PRKD3: variants seen among roughly 807,000 people sequenced by gnomAD.
The protein encoded by PRKD3 is protein kinase D3.
PRKD3 carries 47 observed loss-of-function variants against 99.2 expected under a neutral mutation model. That is an observed-to-expected ratio of 0.47 (90% CI 0.38 to 0.60). The LOEUF (loss-of-function observed/expected upper bound fraction) is 0.60, where lower values mean the gene tolerates loss of function less well. PRKD3 is among the 20% of genes least tolerant of loss of function. PRKD3 has a pLI of 0.00. For synonymous variants in PRKD3, 392 were observed against 355.4 expected, an observed-to-expected ratio of 1.10 and a Z score of -1.16; for missense variants, 1,019 against 1,088.4, an observed-to-expected ratio of 0.94 and a Z score of 0.90.
chr2:37,252,118 C>G lies in PRKD3; in HGVS notation c.*1059G>C, dbSNP rs1188746403. On this transcript the variant is annotated 3_prime_UTR_variant, in exon 19 of 19. Coordinates refer to ENST00000234179, the MANE Select transcript of PRKD3 (RefSeq NM_005813.6). Reference sequence around the variant, plus strand: ...CATGCTCCACTCCTACACATCCCCTCAAACTGCTTAAAATAATTGACTTTA... The same window carrying G: ...CATGCTCCACTCCTACACATCCCCTGAAACTGCTTAAAATAATTGACTTTA... 6.6e-6 allele frequency: 1 copy of G among 152,186 alleles called. No individual in the cohort carries two copies. Among genetic ancestry groups the G allele is most frequent in the Non-Finnish European group, 1.5e-5 (1 of 68,054 alleles). 9.4% of individuals were successfully genotyped at this position (152,186 alleles called of 1,614,324 possible).
In PRKD3 at chr2:37,286,351, G is replaced by C; in HGVS notation, c.736C>G (p.Pro246Ala). The change falls in exon 6 of 19, where the codon CCA becomes GCA. Residue 246 changes from proline (P) to alanine (A), a missense_variant. By Grantham distance (27) the Pro-to-Ala change is conservative. Coordinates refer to ENST00000234179, the MANE Select transcript of PRKD3 (RefSeq NM_005813.6). Reference protein sequence around the residue: ...PSEESHVHQEPSKRIPSWSGR... With the variant: ...PSEESHVHQEASKRIPSWSGR... ...CTCCAAGAAGGAATTCTCTTACTTG[G>C]TTCCTGGTGGACATGTGACTATAAC... is the stretch of plus-strand genomic sequence containing the variant. 1 of 1,613,834 alleles carries C rather than the reference G, an allele frequency of 6.2e-7. No homozygotes were observed. Among genetic ancestry groups the C allele is most frequent in the Non-Finnish European group, 8.5e-7 (1 of 1,179,808 alleles).
chr2:37,275,186 A>G (rs988869295), intron 10 of PRKD3, among the ~76,000 whole-genome samples: 1 of 138,994 alleles, frequency 7.2e-6, no homozygotes, highest in Non-Finnish European at 1.6e-5. Context: ...TCCACTTCCT[A>G]AGGCAAAAAA....
intron 11 of PRKD3, 40 bp downstream of exon 11, chr2:37,274,381 T>A (rs1266077191): frequency 2.5e-6 from 4 of 1,605,810 alleles, no homozygotes; most frequent in Admixed American, 3.4e-5. Flanking sequence ...TGCTTAAGAA[T>A]TAAAGAGGAG....
intron 2 of PRKD3, 97 bp downstream of exon 2, chr2:37,316,140 G>T: frequency 8.0e-7 from 1 of 1,246,492 alleles, no homozygotes; most frequent in Non-Finnish European, 1.1e-6. Flanking sequence ...ATAAACTACT[G>T]ATGGATCAGT....
chr2:37,288,268 C>G (rs1366083861), intron 5 of PRKD3, among the ~76,000 whole-genome samples: 2 of 152,174 alleles, frequency 1.3e-5, no homozygotes, highest in African/African-American at 2.4e-5. Context: ...CTTTTTCCTA[C>G]TAATCTTTTC....
rs543233299 is a variant in PRKD3, at chr2:37,306,892, A to G, written c.288+9345T>C. Among the ~76,000 whole-genome samples, 3 of 152,364 alleles carry G rather than the reference A, an allele frequency of 2.0e-5. No individual in the cohort carries two copies. The South Asian group carries it at 6.2e-4, about 32-fold the overall frequency. On this transcript the variant is annotated intron_variant, in intron 2 of 18. Transcript: ENST00000234179. ...TGCAATTCATATTTGTAAGATTTTAATCTAGGAGACAGTCATATTCCCTAT... is the reference window on the plus strand; with the variant it reads ...TGCAATTCATATTTGTAAGATTTTAGTCTAGGAGACAGTCATATTCCCTAT...
chr2:37,309,802 C>A (rs981552501), intron 2 of PRKD3, among the ~76,000 whole-genome samples: 1 of 143,784 alleles, frequency 7.0e-6, no homozygotes, highest in Non-Finnish European at 1.5e-5. Flanking sequence ...GAGCCGAGAT[C>A]GCGCCACTGC....
chr2:37,319,674 C>T (rs918999279), intron 1 of PRKD3, among the ~76,000 whole-genome samples: 1 of 151,782 alleles, frequency 6.6e-6, no homozygotes, highest in African/African-American at 2.4e-5. Context: ...ACATCAGCAT[C>T]CGTCTGTATA....
chr2:37,275,833 A>C lies in PRKD3; in HGVS notation c.1308T>G (p.His436Gln). The C allele has an allele frequency of 6.2e-7, 1 of 1,607,626 alleles. No homozygotes were observed. The highest frequency in any genetic ancestry group is 8.5e-7 in the Non-Finnish European group (1 of 1,177,048). Residue 436 changes from histidine to glutamine, a missense_variant, in exon 10 of 19, where the codon CAT becomes CAG. By Grantham distance (24) the His-to-Gln change is conservative (BLOSUM62 0). Around this residue, in one of 3 missense-constraint regions of PRKD3, gnomAD observed 710 missense variants for 692.7 expected, o/e 1.02. Coordinates refer to ENST00000234179, the MANE Select transcript of PRKD3 (RefSeq NM_005813.6). ...GACATTTGCTGTCAAGTCTCCAATA[A>C]TGCCTCTTTCTCTATAAAATGAAGA... The part of the protein sequence containing the change: ...YTSRDNLRKR[H>Q]YWRLDSKCLT...
intron 14 of PRKD3, among the ~76,000 whole-genome samples, chr2:37,266,712 T>G (rs1668868138): frequency 6.6e-6 from 1 of 152,128 alleles, no homozygotes; most frequent in Non-Finnish European, 1.5e-5. Context: ...GGTCCCGAAC[T>G]CCTAACCTCA....
chr2:37,315,100 G>C (rs979718676), intron 2 of PRKD3, among the ~76,000 whole-genome samples: 4 of 152,176 alleles, frequency 2.6e-5, no homozygotes, highest in South Asian at 2.1e-4. Context: ...AATTCCCAGA[G>C]AGAGATGATT....
chr2:37,269,023 A>G (rs1669036383), intron 13 of PRKD3: 1 of 153,936 alleles, frequency 6.5e-6, no homozygotes, highest in Non-Finnish European at 1.4e-5. Flanking sequence ...TTAGCAAGGG[A>G]TAACAAGGGT....
chr2:37,288,863 G>C (rs1670245543), intron 5 of PRKD3, among the ~76,000 whole-genome samples: 1 of 152,056 alleles, frequency 6.6e-6, no homozygotes, highest in Non-Finnish European at 1.5e-5. Flanking sequence ...AGACCAGCCT[G>C]TCCAACATGG....
chr2:37,293,801 G>A (rs867817549), intron 2 of PRKD3, among the ~76,000 whole-genome samples: 3 of 152,174 alleles, frequency 2.0e-5, no homozygotes, highest in East Asian at 1.9e-4. Flanking sequence ...TCACAGAGAC[G>A]CTGCTGCTGA....
At chr2:37,306,506 G>A (rs1260449074) in intron 2 of PRKD3, among the ~76,000 whole-genome samples, 4 of 152,204 alleles carry the variant, frequency 2.6e-5, no homozygotes, top group East Asian at 1.9e-4. Context: ...AATAAAAACT[G>A]TGCACTGTTA....
intron 2 of PRKD3, among the ~76,000 whole-genome samples, chr2:37,305,425 C>A (rs971323293): frequency 4.6e-5 from 7 of 152,192 alleles, no homozygotes; most frequent in African/African-American, 7.2e-5. Flanking sequence ...TCTACCAATT[C>A]CTTTCTCACT....
At chr2:37,315,970 C>G (rs975558817) in intron 2 of PRKD3, among the ~76,000 whole-genome samples, 1 of 152,228 alleles carries the variant, frequency 6.6e-6, no homozygotes, top group East Asian at 1.9e-4. Context: ...GGTGATCTGC[C>G]TGCCTCAGCC....
chr2:37,269,888 T>C (rs1216155709), intron 12 of PRKD3, among the ~76,000 whole-genome samples: 1 of 152,214 alleles, frequency 6.6e-6, no homozygotes, highest in African/African-American at 2.4e-5. Flanking sequence ...GCAAGTATAA[T>C]GTATTGTGCA....
intron 1 of PRKD3, among the ~76,000 whole-genome samples, chr2:37,318,609 T>C (rs1671759287): frequency 6.6e-6 from 1 of 152,212 alleles, no homozygotes; most frequent in Non-Finnish European, 1.5e-5. Context: ...CTGCTCAACT[T>C]GTATTTTGCT....
Sources: allele counts gnomAD v4.1 joint callset (sites outside exome capture counted in the v4.1 genomes callset), GRCh38; gene constraint gnomAD v4.1.1; regional missense constraint gnomAD v4.1.1; transcripts MANE v1.5; gene names NCBI Gene and HGNC (gene_info 2026-07-23, HGNC 2026-07-21).